Variants in ANK1 observed in about 807,000 individuals in gnomAD.
ANK1 encodes ankyrin 1, also known as ankyrin-1.
Under a neutral mutation model 210.4 loss-of-function variants are expected in ANK1, and 51 were observed. The ratio of observed to expected loss-of-function variants is 0.24; its 90% CI spans 0.19 to 0.31. ANK1 has a LOEUF of 0.31. Among genes scored for constraint, ANK1 ranks in the 10% least tolerant of loss-of-function variants. The probability of loss-of-function intolerance (pLI) is 1.00; values close to 1 mark genes in which losing one functional copy is unlikely to be tolerated. For missense variants in ANK1, 2,051 were observed against 2,504.4 expected, an observed-to-expected ratio of 0.82 and a Z score of 3.86; for synonymous variants, 967 against 1,025.9, an observed-to-expected ratio of 0.94 and a Z score of 1.10.
chr8:41,763,866 C>CTTTT (rs1841035906), intron 1 of ANK1, among the ~76,000 whole-genome samples: 1 of 116,678 alleles, frequency 8.6e-6, no homozygotes, highest in Non-Finnish European at 1.8e-5. Context: ...TTCTTTCTTT[C>CTTTT]TTCTTTCTTT....
chr8:41,664,314 T>A (rs923389658), intron 39 of ANK1: 13 of 369,662 alleles, frequency 3.5e-5, no homozygotes, highest in African/African-American at 4.3e-5. Context: ...TCTACAAAAA[T>A]TTTTTTAAAA....
intron 31 of ANK1, among the ~76,000 whole-genome samples, chr8:41,692,399 C>T (rs1819526068): frequency 6.6e-6 from 1 of 152,232 alleles, no homozygotes; most frequent in South Asian, 2.1e-4. Flanking sequence ...AGACCTTCGG[C>T]AAATGCCAAC....
intron 2 of ANK1, among the ~76,000 whole-genome samples, chr8:41,738,100 TC>T (rs1342676005): frequency 6.6e-6 from 1 of 152,192 alleles, no homozygotes; most frequent in Non-Finnish European, 1.5e-5. Context: ...AGTTGTTCTG[TC>T]AAGAAGACCC....
chr8:41,804,042 G>A (rs1397512297), intron 1 of ANK1, among the ~76,000 whole-genome samples: 1 of 152,170 alleles, frequency 6.6e-6, no homozygotes, highest in East Asian at 1.9e-4. Flanking sequence ...CGTAAATTTA[G>A]TATTTCAGAG....
rs1039324463 is a variant in ANK1, at chr8:41,724,453, T to C, written c.711+3A>G. 6.4e-6 allele frequency: 10 copies of C among 1,573,084 alleles called. No individual in the cohort carries two copies. The highest frequency in any genetic ancestry group is 1.8e-5 in the Admixed American group (1 of 54,278). On this transcript the variant is annotated splice_donor_region_variant and intron_variant, in intron 7 of 42. Transcript: ENST00000289734. Reference sequence around the variant, plus strand: ...AGTGAGGGCGCACGTGCCCCAGGGTTACCTGTGGTGTGAAATTGACGCTGG... The same window carrying C: ...AGTGAGGGCGCACGTGCCCCAGGGTCACCTGTGGTGTGAAATTGACGCTGG...
intron 12 of ANK1, 22 bp from the exon 13 acceptor site, chr8:41,717,073 G>C: frequency 6.2e-7 from 1 of 1,612,726 alleles, no homozygotes. Flanking sequence ...CAAAATTATA[G>C]AACTGTTCAT....
rs369433871 is a variant in ANK1, at chr8:41,704,781, G to T, written c.2098-309C>A. Among the ~76,000 whole-genome samples, 8 of 152,268 alleles carry T rather than the reference G, an allele frequency of 5.3e-5. 1 individual carries two copies. Among genetic ancestry groups the T allele is most frequent in the African/African-American group, 1.9e-4 (8 of 41,568 alleles). ...TGAGTGAGGTCCCCCAGAATAAAGT[G>T]GAGGGTGAAAAGTGGGGCCGAAGGA... On this transcript the variant is annotated intron_variant, in intron 18 of 42. Coordinates refer to ENST00000289734, the MANE Select transcript of ANK1 (RefSeq NM_000037.4). This position sits in a 1 kb window ranked among gnomAD's most constrained non-coding sequence, Gnocchi z 4.1.
chr8:41,699,777 TGC>T (rs1822179386), intron 22 of ANK1, among the ~76,000 whole-genome samples: 1 of 152,220 alleles, frequency 6.6e-6, no homozygotes, highest in South Asian at 2.1e-4. Context: ...CCTGAGGCTT[TGC>T]AGGAGGCCAA....
intron 39 of ANK1, chr8:41,664,746 C>A: frequency 6.6e-7 from 1 of 1,512,018 alleles, no homozygotes; most frequent in South Asian, 1.2e-5. Context: ...AGCGTCCCCT[C>A]AGCCCCGGCC....
chr8:41,846,532 T>A (rs1810089367), intron 1 of ANK1, among the ~76,000 whole-genome samples: 1 of 152,208 alleles, frequency 6.6e-6, no homozygotes, highest in South Asian at 2.1e-4. Context: ...CTGGCATTTG[T>A]CCCAGGAACA....
intron 14 of ANK1, 32 bp downstream of exon 14, chr8:41,715,620 G>A: frequency 6.2e-7 from 1 of 1,611,142 alleles, no homozygotes; most frequent in South Asian, 1.1e-5. Flanking sequence ...TGAGCCTGTT[G>A]CTTCCTTAGA....
At chr8:41,850,687 G>C (rs576549590) in intron 1 of ANK1, among the ~76,000 whole-genome samples, 5 of 152,286 alleles carry the variant, frequency 3.3e-5, no homozygotes, top group Non-Finnish European at 5.9e-5. Flanking sequence ...TCACTATGTT[G>C]CCCAGGCTGG....
chr8:41,754,913 C>T (rs1838727609), intron 2 of ANK1, among the ~76,000 whole-genome samples: 1 of 152,224 alleles, frequency 6.6e-6, no homozygotes, highest in African/African-American at 2.4e-5. Flanking sequence ...CAGCCACAGA[C>T]CATAAAACAG....
chr8:41,805,120 CTT>C (rs1850738307), intron 1 of ANK1, among the ~76,000 whole-genome samples: 1 of 148,078 alleles, frequency 6.8e-6, no homozygotes, highest in Non-Finnish European at 1.5e-5. Context: ...TCATAGAGCT[CTT>C]TCTCTCTTTC....
At chr8:41,664,759 C>T (rs778353217) in intron 39 of ANK1, 21 of 1,543,810 alleles carry the variant, frequency 1.4e-5, no homozygotes, top group African/African-American at 8.2e-5. Context: ...CCCCGGCCTC[C>T]GGCGCCCACA....
At chr8:41,700,266 G>A (rs1822376177) in intron 22 of ANK1, among the ~76,000 whole-genome samples, 1 of 152,220 alleles carries the variant, frequency 6.6e-6, no homozygotes, top group African/African-American at 2.4e-5. Flanking sequence ...GCCAGGCATG[G>A]GTCTCATGGG....
At chr8:41,769,938 T>A (rs946813435) in intron 1 of ANK1, among the ~76,000 whole-genome samples, 2 of 151,770 alleles carry the variant, frequency 1.3e-5, no homozygotes, top group Non-Finnish European at 2.9e-5. Flanking sequence ...TTCAGGTGCT[T>A]ATCTGCCATC....
intron 6 of ANK1, 118 bp downstream of exon 6, chr8:41,725,641 TGC>T (rs1830485935): frequency 7.2e-7 from 1 of 1,384,690 alleles, no homozygotes. Flanking sequence ...GGGCGCTCAG[TGC>T]GCACTGCCCG....
At chr8:41,844,636 T>C (rs922094147) in intron 1 of ANK1, among the ~76,000 whole-genome samples, 1 of 152,228 alleles carries the variant, frequency 6.6e-6, no homozygotes, top group African/African-American at 2.4e-5. Context: ...AGAATCTCCC[T>C]GAGCCTAGGC....
Sources: gnomAD v4.1 joint callset for allele counts (sites outside exome capture counted in the v4.1 genomes callset) on GRCh38, gnomAD v4.1.1 for gene constraint, Gnocchi (gnomAD v3.1) non-coding constraint, MANE v1.5 for transcripts, NCBI Gene and HGNC (gene_info 2026-07-23, HGNC 2026-07-21) for gene names.